TXNL4A: variants seen among roughly 807,000 people sequenced by gnomAD.
The protein encoded by TXNL4A is thioredoxin like 4A.
A neutral mutation model predicts 14.6 loss-of-function variants in TXNL4A; 17 were observed. The ratio of observed to expected loss-of-function variants is 1.16; its 90% CI spans 0.80 to 1.74. The LOEUF (loss-of-function observed/expected upper bound fraction) is 1.74, where lower values mean the gene tolerates loss of function less well. Ranked by LOEUF, TXNL4A falls within the 40% of genes most tolerant of loss-of-function variation. The pLI is 0.00. For missense variants in TXNL4A, 74 were observed against 195.2 expected (o/e 0.38, Z 3.70); for synonymous variants, 83 against 70.6 (o/e 1.18, Z -0.88).
chr18:79,998,066 G>T (rs1392697614), intron 1 of TXNL4A, among the ~76,000 whole-genome samples: 1 of 152,120 alleles, frequency 6.6e-6, no homozygotes, highest in Non-Finnish European at 1.5e-5. Flanking sequence ...GGCTGAGGCG[G>T]GTGGATCACG....
chr18:79,988,363 G>A lies in TXNL4A; in HGVS notation c.30C>T (p.Asn10=). The part of the protein sequence containing the change: MSYMLPHLH[N]GWQVDQAILS... ...GGATGGCCTGGTCCACCTGCCAGCCGTTGTGCAGGTGCGGGAGCATGTACG... is the reference window on the plus strand; with the variant it reads ...GGATGGCCTGGTCCACCTGCCAGCCATTGTGCAGGTGCGGGAGCATGTACG... Residue 10 remains asparagine, a synonymous_variant, in exon 1 of 3, where the codon AAC becomes AAT. Coordinates refer to ENST00000269601, the MANE Select transcript of TXNL4A (RefSeq NM_006701.5). The A allele has an allele frequency of 1.3e-6, 2 of 1,553,476 alleles. No individual in the cohort carries two copies. Among genetic ancestry groups the A allele is most frequent in the East Asian group, 2.4e-5 (1 of 41,246 alleles).
intron 1 of TXNL4A, 21 bp downstream of exon 1, chr18:79,988,219 C>G (rs765799844): frequency 3.3e-6 from 5 of 1,498,186 alleles, no homozygotes; most frequent in Non-Finnish European, 9.1e-7. Context: ...GCCCGCAGAG[C>G]GGGAGAGTCC....
At chr18:79,983,082 C>A (rs1486294953) in intron 1 of TXNL4A, among the ~76,000 whole-genome samples, 1 of 152,070 alleles carries the variant, frequency 6.6e-6, no homozygotes. Context: ...CTCACTGCAA[C>A]CTCTGTTTCC....
At chr18:79,993,314 G>A (rs1325116843), upstream of TXNL4A, among the ~76,000 whole-genome samples, 1 of 113,284 alleles carries the variant, frequency 8.8e-6, no homozygotes, top group African/African-American at 3.2e-5. The surrounding 1 kb of genome is among the most constrained non-coding windows in gnomAD (Gnocchi z 4.4). Flanking sequence ...AGGTTTATTT[G>A]CTGTTTAAAA....
chr18:80,012,250 A>G (rs1394365311), intron 1 of TXNL4A, among the ~76,000 whole-genome samples: 1 of 152,166 alleles, frequency 6.6e-6, no homozygotes, highest in African/African-American at 2.4e-5. Context: ...TTTTTCTAAT[A>G]TAGGATTCTT....
chr18:80,008,331 T>C (rs563801826), intron 1 of TXNL4A, among the ~76,000 whole-genome samples: 65 of 152,230 alleles, frequency 4.3e-4, no homozygotes, highest in African/African-American at 1.5e-3. Context: ...ACAAGGCTGG[T>C]CAGTTTTACA....
intron 1 of TXNL4A, among the ~76,000 whole-genome samples, chr18:80,001,209 C>T (rs1405034577): frequency 6.6e-6 from 1 of 152,150 alleles, no homozygotes; most frequent in Non-Finnish European, 1.5e-5. Context: ...GCAGCTTCCA[C>T]GTGATGTGGA....
chr18:79,996,117 A>AAC lies in TXNL4A; in HGVS notation c.-60-18417_-60-18416insGT, dbSNP rs1472640677. Among the ~76,000 whole-genome samples the AAC allele has an allele frequency of 7.3e-5, 11 of 150,900 alleles. 1 individual carries two copies. The South Asian group carries it at 1.0e-3, about 14-fold the overall frequency. On this transcript the variant is annotated intron_variant, in intron 1 of 2. Coordinates refer to the TXNL4A transcript ENST00000585474. ...AGACTCTGACTCAAAAAAAAAAAAA[A>AAC]AAAAAAAAAACGGCCAGGACAGCTT...
intron 1 of TXNL4A, among the ~76,000 whole-genome samples, chr18:79,994,289 A>G (rs895628640): frequency 6.6e-6 from 1 of 152,210 alleles, no homozygotes; most frequent in African/African-American, 2.4e-5. Context: ...GGGCACAAAA[A>G]CTAAGAAACC....
chr18:80,000,178 C>T lies in TXNL4A; in HGVS notation c.-60-22477G>A, dbSNP rs192697216. ...TTGGAACTGGGTAACAGGTAGAGGT[C>T]GGAACAGTTTGGAGGGCTCAGAAGA... is the stretch of plus-strand genomic sequence containing the variant. On this transcript the variant is annotated intron_variant, in intron 1 of 2. Coordinates refer to the TXNL4A transcript ENST00000585474. Among the ~76,000 whole-genome samples the T allele has an allele frequency of 5.3e-4, 81 of 152,132 alleles. No homozygotes were observed. In the East Asian group the frequency reaches 6.0e-3, roughly 11 times the overall value.
rs548826213 is a variant in TXNL4A at position 80,011,171 on chromosome 18, A to G, written c.-61+22680T>C. Among the ~76,000 whole-genome samples, 1 of 152,352 alleles carries G rather than the reference A, an allele frequency of 6.6e-6. No homozygotes were observed. Among genetic ancestry groups the G allele is most frequent in the East Asian group, 1.9e-4 (1 of 5,186 alleles). On this transcript the variant is annotated intron_variant, in intron 1 of 2. Transcript: ENST00000585474. This position sits in a 1 kb window ranked among gnomAD's most constrained non-coding sequence, Gnocchi z 4.1. Reference sequence around the variant, plus strand: ...GAGTATGCAAAGGCCAAACACTAATATAAAACATATAAGGAAAAGAGGTTT... The same window carrying G: ...GAGTATGCAAAGGCCAAACACTAATGTAAAACATATAAGGAAAAGAGGTTT...
At chr18:80,031,813 T>C (rs955255650) in intron 1 of TXNL4A, among the ~76,000 whole-genome samples, 5 of 152,244 alleles carry the variant, frequency 3.3e-5, no homozygotes, top group African/African-American at 1.2e-4. Flanking sequence ...TTATGACTGA[T>C]ATGAAAACCC....
intron 1 of TXNL4A, among the ~76,000 whole-genome samples, chr18:79,998,815 T>C (rs1364403461): frequency 1.3e-5 from 2 of 151,688 alleles, no homozygotes; most frequent in African/African-American, 4.9e-5. Flanking sequence ...AGTATAATAA[T>C]CTTAATCTGG....
intron 2 of TXNL4A, chr18:79,976,829 C>T (rs2051386891): frequency 4.4e-6 from 2 of 451,266 alleles, no homozygotes; most frequent in Middle Eastern, 6.5e-4. Context: ...TTTCTTTCCC[C>T]ATTAAATTTC....
In TXNL4A at chr18:79,971,618, C is replaced by A. The variant is rs142960053; in HGVS notation, c.*2067G>T. 9 of 152,250 alleles carry A rather than the reference C, an allele frequency of 5.9e-5. No individual in the cohort carries two copies. The highest frequency in any genetic ancestry group is 5.9e-4 in the Admixed American group (9 of 15,272). The allele number at this position is 152,250 out of a possible 1,614,324, so 9.4% of individuals were successfully genotyped here. ...GTGCTGGGATTACAGGCTTGAGACACCTGCACCCGGCCCATGTTTAACTTT... is the reference window on the plus strand; with the variant it reads ...GTGCTGGGATTACAGGCTTGAGACAACTGCACCCGGCCCATGTTTAACTTT... On this transcript the variant is annotated 3_prime_UTR_variant, in exon 3 of 3. Coordinates refer to ENST00000269601, the MANE Select transcript of TXNL4A (RefSeq NM_006701.5).
At chr18:80,008,387 C>T (rs983720395) in intron 1 of TXNL4A, among the ~76,000 whole-genome samples, 5 of 152,162 alleles carry the variant, frequency 3.3e-5, no homozygotes, top group African/African-American at 9.7e-5. Flanking sequence ...ATCCATCCCA[C>T]AGCAGGCAAG....
At chr18:79,988,134 C>A (rs2051583078) in intron 1 of TXNL4A, 106 bp downstream of exon 1, 3 of 1,265,736 alleles carry the variant, frequency 2.4e-6, no homozygotes, top group Non-Finnish European at 3.1e-6. Context: ...GGAGCCGCGG[C>A]CCCTCCTCGG....
chr18:79,985,099 A>C (rs570867962), intron 1 of TXNL4A, among the ~76,000 whole-genome samples: 10 of 151,704 alleles, frequency 6.6e-5, no homozygotes, highest in South Asian at 2.1e-4. Context: ...GCTCAAAGGT[A>C]CATGAAATTG....
chr18:79,993,653 C>T lies in TXNL4A; in HGVS notation c.-60-15952G>A, dbSNP rs562609238. ...TGTGTGTTTCAGTCCTTTCAGCTAC[C>T]GGATTTGACCAACTCCAAACCCTCT... On this transcript the variant is annotated intron_variant, in intron 1 of 2. Coordinates refer to the TXNL4A transcript ENST00000585474. This position sits in a 1 kb window ranked among gnomAD's most constrained non-coding sequence, Gnocchi z 4.4. Among the ~76,000 whole-genome samples, 5 of 152,104 alleles carry T rather than the reference C, an allele frequency of 3.3e-5. No homozygotes were observed. Among genetic ancestry groups the T allele is most frequent in the African/African-American group, 9.6e-5 (4 of 41,470 alleles).
Sources: allele counts gnomAD v4.1 joint callset (sites outside exome capture counted in the v4.1 genomes callset), GRCh38; gene constraint gnomAD v4.1.1; non-coding constraint Gnocchi (gnomAD v3.1); transcripts MANE v1.5; gene names NCBI Gene and HGNC (gene_info 2026-07-23, HGNC 2026-07-21).